TMEM178B: variants seen among roughly 807,000 people sequenced by gnomAD.
TMEM178B encodes the protein transmembrane protein 178B.
A neutral mutation model predicts 31.0 loss-of-function variants in TMEM178B; 5 were observed. The ratio of observed to expected loss-of-function variants is 0.16; its 90% CI spans 0.08 to 0.34. The LOEUF is 0.34. Ranked by LOEUF, TMEM178B falls within the 10% of genes least tolerant of loss-of-function variation. TMEM178B has a pLI of 1.00. For synonymous variants in TMEM178B, 164 were observed against 164.0 expected (o/e 1.00, Z 0.00); for missense variants, 275 against 400.3 (o/e 0.69, Z 2.67).
intron 2 of TMEM178B, among the ~76,000 whole-genome samples, chr7:141,326,156 A>T (rs1799186314): frequency 6.6e-6 from 1 of 152,238 alleles, no homozygotes; most frequent in African/African-American, 2.4e-5. Flanking sequence ...CAGTGAACAA[A>T]GGAACCATGT....
At chr7:141,155,908 T>C (rs896393950) in intron 1 of TMEM178B, among the ~76,000 whole-genome samples, 4 of 151,896 alleles carry the variant, frequency 2.6e-5, no homozygotes, top group African/African-American at 9.7e-5. Context: ...TTACTAAAAA[T>C]AGAAAAAATA....
At chr7:141,122,750 C>G (rs1186999277) in intron 1 of TMEM178B, among the ~76,000 whole-genome samples, 1 of 152,124 alleles carries the variant, frequency 6.6e-6, no homozygotes, top group African/African-American at 2.4e-5. Flanking sequence ...TTCATCTTGC[C>G]TATTATTTTT....
intron 2 of TMEM178B, among the ~76,000 whole-genome samples, chr7:141,365,230 C>T (rs1018831913): frequency 1.3e-5 from 2 of 152,214 alleles, no homozygotes; most frequent in Non-Finnish European, 1.5e-5. Context: ...TTGCTGTAGA[C>T]GTTCTGGGTT....
chr7:141,498,421 G>T, the TMEM178B span, among the ~76,000 whole-genome samples: 1 of 152,208 alleles, frequency 6.6e-6, no homozygotes, highest in Admixed American at 6.5e-5. Context: ...GACCTGGAAG[G>T]TCTCCTTCTT....
intron 2 of TMEM178B, among the ~76,000 whole-genome samples, chr7:141,288,010 C>A (rs902701484): frequency 6.6e-6 from 1 of 152,092 alleles, no homozygotes; most frequent in South Asian, 2.1e-4. Flanking sequence ...CTCAAAAATT[C>A]TTTTAAAAAT....
intron 1 of TMEM178B, among the ~76,000 whole-genome samples, chr7:141,194,569 G>A (rs1484439379): frequency 6.6e-6 from 1 of 152,156 alleles, no homozygotes; most frequent in African/African-American, 2.4e-5. Context: ...GCAGGTTACA[G>A]CCTCCCCACC....
chr7:141,211,614 C>T (rs547346839), intron 1 of TMEM178B, among the ~76,000 whole-genome samples: 6 of 152,066 alleles, frequency 3.9e-5, no homozygotes, highest in African/African-American at 1.2e-4. Context: ...TTTATATCCC[C>T]GAGATGAGCA....
chr7:141,394,730 T>C (rs983810559), intron 2 of TMEM178B, among the ~76,000 whole-genome samples: 2 of 152,208 alleles, frequency 1.3e-5, no homozygotes, highest in African/African-American at 2.4e-5. Flanking sequence ...TCTGTCATTT[T>C]CCATTTTGCA....
At chr7:141,079,940 T>C (rs557962) in intron 1 of TMEM178B, among the ~76,000 whole-genome samples, 139,719 of 152,278 alleles carry the variant, frequency 0.92, 64,155 homozygotes, top group African/African-American at 0.94. Flanking sequence ...ATTCTGGCTC[T>C]GGATGTGGGA....
Position 141,269,265 on chromosome 7 carries a change from A to G in TMEM178B, c.496+56561A>G, listed in dbSNP as rs201085363. On this transcript the variant is annotated intron_variant, in intron 2 of 3. Coordinates refer to ENST00000565468, the MANE Select transcript of TMEM178B (RefSeq NM_001195278.2). ...GCCACCATGCCCAGCTAATTTTTGT[A>G]TTTTTAGTAGAGATGGGGTTTCACC... Among the ~76,000 whole-genome samples the G allele has an allele frequency of 4.0e-5, 6 of 151,686 alleles. No homozygotes were observed. In the East Asian group the frequency reaches 1.2e-3, roughly 30 times the overall value.
At chr7:141,370,307 G>C (rs1800092730) in intron 2 of TMEM178B, among the ~76,000 whole-genome samples, 1 of 152,228 alleles carries the variant, frequency 6.6e-6, no homozygotes, top group African/African-American at 2.4e-5. Flanking sequence ...TTCAGGGAGT[G>C]AGGTGCATTT....
At position 141,288,210 on chromosome 7, in the gene TMEM178B, C is replaced by G. The variant is rs1272139114; in HGVS notation, c.496+75506C>G. Among the ~76,000 whole-genome samples, 7 of 151,110 alleles carry G rather than the reference C, an allele frequency of 4.6e-5. No individual in the cohort carries two copies. The East Asian group carries it at 1.2e-3, about 25-fold the overall frequency. On this transcript the variant is annotated intron_variant, in intron 2 of 3. Coordinates refer to ENST00000565468, the MANE Select transcript of TMEM178B (RefSeq NM_001195278.2). ...TGCCTCTACTCTTTTTTTTTTTCCC[C>G]CTCTGGGATTGTTTGTGATTGTCGC...
At chr7:141,465,512 C>T (rs1802133871) in intron 3 of TMEM178B, among the ~76,000 whole-genome samples, 1 of 152,134 alleles carries the variant, frequency 6.6e-6, no homozygotes, top group African/African-American at 2.4e-5. Context: ...ATATGTCTCC[C>T]CTTTGTCCCC....
chr7:141,184,554 C>T (rs1796578091), intron 1 of TMEM178B, among the ~76,000 whole-genome samples: 2 of 152,158 alleles, frequency 1.3e-5, no homozygotes, highest in South Asian at 2.1e-4. Flanking sequence ...TATGTGGGAG[C>T]CTCTGCTCTC....
chr7:141,252,774 G>A (rs970134932), intron 2 of TMEM178B, among the ~76,000 whole-genome samples: 2 of 152,186 alleles, frequency 1.3e-5, no homozygotes, highest in Non-Finnish European at 2.9e-5. Flanking sequence ...TAGAAGTCTA[G>A]ATGTGTTGTT....
chr7:141,273,486 C>T (rs1408996870), intron 2 of TMEM178B, among the ~76,000 whole-genome samples: 1 of 152,028 alleles, frequency 6.6e-6, no homozygotes, highest in Non-Finnish European at 1.5e-5. Flanking sequence ...ATATAAGAAG[C>T]GAGTGAGAAA....
intron 2 of TMEM178B, among the ~76,000 whole-genome samples, chr7:141,377,214 G>A (rs918413336): frequency 7.4e-5 from 11 of 148,458 alleles, no homozygotes; most frequent in Middle Eastern, 3.5e-3. Context: ...ATGGAGTTTC[G>A]CTCTTGTCAC....
chr7:141,510,685 CAAA>C, the TMEM178B span, among the ~76,000 whole-genome samples: 213 of 24,928 alleles, frequency 8.5e-3, no homozygotes, highest in Middle Eastern at 0.038. Flanking sequence ...AACTCCGTCT[CAAA>C]AAAAAAAAAA....
At chr7:141,264,003 CA>C (rs1295219915) in intron 2 of TMEM178B, among the ~76,000 whole-genome samples, 1 of 152,190 alleles carries the variant, frequency 6.6e-6, no homozygotes, top group East Asian at 1.9e-4. Context: ...CCCTTGGAGT[CA>C]TGGAGAGTGG....
Sources: gnomAD v4.1 joint callset for allele counts (sites outside exome capture counted in the v4.1 genomes callset) on GRCh38, gnomAD v4.1.1 for gene constraint, MANE v1.5 for transcripts, NCBI Gene and HGNC (gene_info 2026-07-23, HGNC 2026-07-21) for gene names.